The following DLGAP2 variants were observed in gnomAD, a reference collection of about 807,000 sequenced individuals.
The protein encoded by DLGAP2 is disks large-associated protein 2.
DLGAP2 carries 26 observed loss-of-function variants against 100.3 expected under a neutral mutation model. The ratio of observed to expected loss-of-function variants is 0.26; its 90% CI spans 0.19 to 0.36. DLGAP2 has a LOEUF of 0.36. Among genes scored for constraint, DLGAP2 ranks in the 10% least tolerant of loss-of-function variants. The probability of loss-of-function intolerance (pLI) is 1.00; values close to 1 mark genes in which losing one functional copy is unlikely to be tolerated. For missense variants in DLGAP2, 1,858 were observed against 1,453.2 expected, an observed-to-expected ratio of 1.28 and a Z score of -4.53; for synonymous variants, 886 against 630.1, an observed-to-expected ratio of 1.41 and a Z score of -6.08.
chr8:1,353,871 G>T (rs1033789350), intron 3 of DLGAP2, among the ~76,000 whole-genome samples: 111 of 152,228 alleles, frequency 7.3e-4, no homozygotes, highest in African/African-American at 2.6e-3. Context: ...GAAAAATGCA[G>T]GTTAATATCC....
chr8:1,552,544 G>T (rs1367351791), intron 5 of DLGAP2, among the ~76,000 whole-genome samples: 1 of 152,206 alleles, frequency 6.6e-6, no homozygotes, highest in African/African-American at 2.4e-5. Context: ...GTGCAGGGCT[G>T]TCCCTTCCTG....
At position 1,358,829 on chromosome 8, in the gene DLGAP2, A is replaced by C. The variant is rs533647961; in HGVS notation, c.106+99946A>C. Among the ~76,000 whole-genome samples the C allele has an allele frequency of 6.6e-5, 10 of 152,050 alleles. No homozygotes were observed. The East Asian group carries it at 1.9e-3, about 30-fold the overall frequency. On this transcript the variant is annotated intron_variant, in intron 3 of 14. Transcript: ENST00000637795. ...CTGATCAGGCCACGTTTGTCATCAG[A>C]GGCAGAAATCAGGAGCCCTGCGGCA...
At chr8:1,284,991 G>T (rs1799893653) in intron 3 of DLGAP2, among the ~76,000 whole-genome samples, 1 of 152,146 alleles carries the variant, frequency 6.6e-6, no homozygotes, top group South Asian at 2.1e-4. Flanking sequence ...CAGGTTCTTG[G>T]CTCCACCTGC....
intron 1 of DLGAP2, among the ~76,000 whole-genome samples, chr8:772,581 C>A (rs1256146622): frequency 1.3e-5 from 2 of 152,210 alleles, no homozygotes; most frequent in African/African-American, 2.4e-5. Flanking sequence ...CCTCGGCCTC[C>A]CAAAGTGCTG....
intron 4 of DLGAP2, among the ~76,000 whole-genome samples, chr8:1,539,449 A>G (rs990298932): frequency 6.6e-6 from 1 of 152,122 alleles, no homozygotes; most frequent in Non-Finnish European, 1.5e-5. Flanking sequence ...ATCTCGGTGC[A>G]CTGGGAGATA....
At chr8:1,484,078 C>CCTT (rs1799177643) in intron 3 of DLGAP2, among the ~76,000 whole-genome samples, 1 of 152,228 alleles carries the variant, frequency 6.6e-6, no homozygotes, top group African/African-American at 2.4e-5. Flanking sequence ...GGAAGAAAGA[C>CCTT]AAAGCCGGCT....
At position 890,282 on chromosome 8, in the gene DLGAP2, C is replaced by T. The variant is rs562866624; in HGVS notation, c.19-17630C>T. Among the ~76,000 whole-genome samples, 360 of 152,256 alleles carry T rather than the reference C, an allele frequency of 2.4e-3. 3 individuals are homozygous for T. Among genetic ancestry groups the T allele is most frequent in the African/African-American group, 8.3e-3 (345 of 41,560 alleles). ...CTAGGATGAGCCATGCACGTGCACG[C>T]GCATGGCAGAGCGTGGTTTGCTGCA... On this transcript the variant is annotated intron_variant, in intron 1 of 14. Transcript: ENST00000637795.
intron 2 of DLGAP2, among the ~76,000 whole-genome samples, chr8:1,127,616 G>T (rs560208743): frequency 2.6e-5 from 4 of 152,326 alleles, no homozygotes; most frequent in African/African-American, 9.6e-5. Context: ...GAGAGGAGGG[G>T]ACAGCCTGAG....
chr8:1,590,323 A>T (rs1796254044), intron 6 of DLGAP2, among the ~76,000 whole-genome samples: 1 of 152,224 alleles, frequency 6.6e-6, no homozygotes, highest in Non-Finnish European at 1.5e-5. Flanking sequence ...TCGCGTCGCC[A>T]GGATAATGAA....
At chr8:1,364,539 AG>A (rs1327777180) in intron 3 of DLGAP2, among the ~76,000 whole-genome samples, 1 of 150,692 alleles carries the variant, frequency 6.6e-6, no homozygotes, top group Non-Finnish European at 1.5e-5. Context: ...TTTTCCCTGG[AG>A]GACTGGGGCT....
At chr8:770,261 C>T (rs769097654) in intron 1 of DLGAP2, among the ~76,000 whole-genome samples, 10 of 151,932 alleles carry the variant, frequency 6.6e-5, no homozygotes, top group Non-Finnish European at 1.0e-4. Context: ...AGAGTGCGTG[C>T]GTGGCGTGCG....
intron 2 of DLGAP2, among the ~76,000 whole-genome samples, chr8:1,104,049 G>T (rs1000418546): frequency 6.6e-6 from 1 of 152,164 alleles, no homozygotes; most frequent in South Asian, 2.1e-4. Flanking sequence ...AGGATTGCTC[G>T]GCCGGCTCGT....
At chr8:864,269 G>A (rs1341299634) in intron 1 of DLGAP2, among the ~76,000 whole-genome samples, 1 of 152,136 alleles carries the variant, frequency 6.6e-6, no homozygotes, top group African/African-American at 2.4e-5. Flanking sequence ...GTGTGCTGCT[G>A]TGCAGAAGGG....
At position 1,654,538 on chromosome 8, in the gene DLGAP2, G is replaced by C. The variant is rs148739804; in HGVS notation, c.1811-13791G>C. On this transcript the variant is annotated intron_variant, in intron 8 of 14. Transcript: ENST00000637795. ...TAGCCAGGCATGGTGGCAAGCGCCT[G>C]TACTCCCAGCTACTCGGGAGACTGA... is the stretch of plus-strand genomic sequence containing the variant. Among the ~76,000 whole-genome samples the C allele has an allele frequency of 4.2e-3, 637 of 152,132 alleles. 5 individuals carry two copies. Among genetic ancestry groups the C allele is most frequent in the African/African-American group, 0.014 (590 of 41,508 alleles).
chr8:768,550 G>T (rs1248635648), intron 1 of DLGAP2, among the ~76,000 whole-genome samples: 4 of 148,656 alleles, frequency 2.7e-5, no homozygotes, highest in Non-Finnish European at 5.9e-5. Context: ...TCAGCCTCCC[G>T]AGTACCTGGG....
At chr8:1,413,028 G>C (rs1225309652) in intron 3 of DLGAP2, among the ~76,000 whole-genome samples, 1 of 152,022 alleles carries the variant, frequency 6.6e-6, no homozygotes, top group African/African-American at 2.4e-5. Flanking sequence ...CCCAGCTCAA[G>C]TGTCCCCTCC....
chr8:1,004,342 A>C (rs989777541), intron 2 of DLGAP2, among the ~76,000 whole-genome samples: 7 of 152,182 alleles, frequency 4.6e-5, no homozygotes, highest in Non-Finnish European at 7.3e-5. Flanking sequence ...TTTGTCTTTT[A>C]TCTTCATAAA....
chr8:847,844 A>C (rs901855205), intron 1 of DLGAP2, among the ~76,000 whole-genome samples: 2 of 152,000 alleles, frequency 1.3e-5, no homozygotes. Flanking sequence ...AATTTCTATG[A>C]ATTTCTGCTC....
chr8:946,172 G>A (rs1277758107), intron 2 of DLGAP2, among the ~76,000 whole-genome samples: 2 of 152,098 alleles, frequency 1.3e-5, no homozygotes, highest in Admixed American at 1.3e-4. Context: ...GACTCCCCCA[G>A]GGAGTCACAC....
Sources: gnomAD v4.1 joint callset for allele counts (sites outside exome capture counted in the v4.1 genomes callset) on GRCh38, gnomAD v4.1.1 for gene constraint, MANE v1.5 for transcripts, NCBI Gene and HGNC (gene_info 2026-07-23, HGNC 2026-07-21) for gene names.